NELL1: variants seen among roughly 807,000 people sequenced by gnomAD.
NELL1 encodes protein kinase C-binding protein NELL1.
A neutral mutation model predicts 107.4 loss-of-function variants in NELL1; 76 were observed. The observed-to-expected ratio is 0.71, with a 90% CI of 0.59 to 0.86. The LOEUF (loss-of-function observed/expected upper bound fraction) is 0.86, where lower values mean the gene tolerates loss of function less well. Among genes scored for constraint, NELL1 ranks in the 40% least tolerant of loss-of-function variants. The probability of loss-of-function intolerance (pLI) is 0.00; values close to 1 mark genes in which losing one functional copy is unlikely to be tolerated. For missense variants in NELL1, 1,024 were observed against 1,005.5 expected, an observed-to-expected ratio of 1.02 and a Z score of -0.25; for synonymous variants, 353 against 341.2, an observed-to-expected ratio of 1.03 and a Z score of -0.38.
chr11:20,958,346 G>A (rs1371026981), intron 11 of NELL1, among the ~76,000 whole-genome samples: 2 of 152,046 alleles, frequency 1.3e-5, no homozygotes, highest in Non-Finnish European at 2.9e-5. Context: ...CCATGAGGCC[G>A]AGGCTGCAAA....
At chr11:20,925,694 C>A (rs903052470) in intron 7 of NELL1, among the ~76,000 whole-genome samples, 1 of 152,128 alleles carries the variant, frequency 6.6e-6, no homozygotes, top group Non-Finnish European at 1.5e-5. Flanking sequence ...TCTTTAGGGG[C>A]TGCTCATGGT....
chr11:21,500,284 A>G (rs1027780415), intron 15 of NELL1, among the ~76,000 whole-genome samples: 11 of 152,048 alleles, frequency 7.2e-5, no homozygotes, highest in African/African-American at 1.2e-4. Context: ...TTCATCTGTC[A>G]TGAGAGTTCT....
chr11:21,240,004 A>G (rs1370930398), intron 14 of NELL1, among the ~76,000 whole-genome samples: 1 of 152,076 alleles, frequency 6.6e-6, no homozygotes, highest in Non-Finnish European at 1.5e-5. Flanking sequence ...GGTCTCTGGC[A>G]AACATGAACC....
At chr11:20,694,107 A>G (rs1854549155) in intron 2 of NELL1, among the ~76,000 whole-genome samples, 1 of 152,048 alleles carries the variant, frequency 6.6e-6, no homozygotes, top group African/African-American at 2.4e-5. Context: ...TTCTTCACAT[A>G]GTTCTCAAGC....
intron 7 of NELL1, among the ~76,000 whole-genome samples, chr11:20,920,830 G>T (rs1320016830): frequency 1.3e-5 from 2 of 151,946 alleles, no homozygotes; most frequent in African/African-American, 4.8e-5. Flanking sequence ...AAACGTTATT[G>T]TGTAAAATGG....
chr11:20,950,914 C>G (rs1294078627), intron 11 of NELL1, among the ~76,000 whole-genome samples: 1 of 152,196 alleles, frequency 6.6e-6, no homozygotes, highest in Non-Finnish European at 1.5e-5. Context: ...GAAGGCCTTT[C>G]AATTAGCATA....
chr11:21,209,051 C>A (rs1036922826), intron 13 of NELL1, among the ~76,000 whole-genome samples: 1 of 152,124 alleles, frequency 6.6e-6, no homozygotes, highest in African/African-American at 2.4e-5. Context: ...ACCCCCAGAA[C>A]TGTAGTGGGA....
chr11:21,560,744 C>T (rs1257267061), intron 17 of NELL1, among the ~76,000 whole-genome samples: 1 of 152,108 alleles, frequency 6.6e-6, no homozygotes, highest in Non-Finnish European at 1.5e-5. Context: ...ATTAAAACTA[C>T]TCTTTGCCTA....
At chr11:20,782,622 T>C (rs753346646) in intron 2 of NELL1, among the ~76,000 whole-genome samples, 11 of 152,176 alleles carry the variant, frequency 7.2e-5, no homozygotes, top group Non-Finnish European at 1.2e-4. Context: ...GCTTGGGCAG[T>C]GCAGCATTTG....
At chr11:21,429,951 A>AAT (rs1440752063) in intron 15 of NELL1, among the ~76,000 whole-genome samples, 1 of 152,160 alleles carries the variant, frequency 6.6e-6, no homozygotes, top group African/African-American at 2.4e-5. Flanking sequence ...ATAGCCTCTA[A>AAT]ATATCTTAGA....
At chr11:21,486,742 A>T (rs1854644167) in intron 15 of NELL1, among the ~76,000 whole-genome samples, 1 of 152,158 alleles carries the variant, frequency 6.6e-6, no homozygotes, top group Admixed American at 6.5e-5. Flanking sequence ...ACAATTCAGG[A>T]TATGAATTTA....
intron 15 of NELL1, among the ~76,000 whole-genome samples, chr11:21,509,522 T>G (rs971286571): frequency 2.6e-5 from 4 of 152,152 alleles, no homozygotes; most frequent in African/African-American, 9.6e-5. Flanking sequence ...TTAGGCTTAC[T>G]TTTTTTCAAG....
At chr11:20,746,310 T>G (rs573439763) in intron 2 of NELL1, among the ~76,000 whole-genome samples, 1 of 152,298 alleles carries the variant, frequency 6.6e-6, no homozygotes, top group African/African-American at 2.4e-5. Flanking sequence ...TCAAGAACTC[T>G]AAGGTGACAT....
At chr11:20,885,321 G>C in intron 4 of NELL1, 123 bp from the exon 5 acceptor site, 6 of 663,338 alleles carry the variant, frequency 9.0e-6, no homozygotes, top group South Asian at 8.5e-5. Context: ...GTCATGTAAA[G>C]TGTGCCACAT....
chr11:20,976,724 G>A (rs1327432799), intron 12 of NELL1, among the ~76,000 whole-genome samples: 1 of 152,096 alleles, frequency 6.6e-6, no homozygotes, highest in Non-Finnish European at 1.5e-5. Flanking sequence ...CCAGAATTCT[G>A]TGGATCATAT....
At chr11:20,957,349 T>G (rs1851196530) in intron 11 of NELL1, among the ~76,000 whole-genome samples, 1 of 152,156 alleles carries the variant, frequency 6.6e-6, no homozygotes, top group African/African-American at 2.4e-5. Flanking sequence ...CTTCAAGCAC[T>G]AAGACAAAAA....
At chr11:21,336,680 C>CACACACAT (rs1850409541) in intron 14 of NELL1, among the ~76,000 whole-genome samples, 1 of 149,410 alleles carries the variant, frequency 6.7e-6, no homozygotes, top group Non-Finnish European at 1.5e-5. Context: ...TATATACACA[C>CACACACAT]ACACACACAC....
At chr11:21,200,871 A>G (rs1338992732) in intron 13 of NELL1, among the ~76,000 whole-genome samples, 1 of 152,154 alleles carries the variant, frequency 6.6e-6, no homozygotes, top group Non-Finnish European at 1.5e-5. Context: ...AGTTTACCCA[A>G]CACCATTTAT....
intron 13 of NELL1, among the ~76,000 whole-genome samples, chr11:21,183,073 C>T (rs1326208796): frequency 6.6e-6 from 1 of 151,892 alleles, no homozygotes; most frequent in Non-Finnish European, 1.5e-5. Context: ...TTTACAGTTC[C>T]AGTCCCAGCA....
Sources: gnomAD v4.1 joint callset for allele counts (sites outside exome capture counted in the v4.1 genomes callset) on GRCh38, gnomAD v4.1.1 for gene constraint, MANE v1.5 for transcripts, NCBI Gene and HGNC (gene_info 2026-07-23, HGNC 2026-07-21) for gene names.